Variants in TNRC6C observed in about 807,000 individuals in gnomAD.
The protein encoded by TNRC6C is trinucleotide repeat-containing gene 6C protein.
Under a neutral mutation model 153.7 loss-of-function variants are expected in TNRC6C, and 20 were observed. The ratio of observed to expected loss-of-function variants is 0.13; its 90% CI spans 0.09 to 0.19. TNRC6C has a LOEUF of 0.19. Among genes scored for constraint, TNRC6C ranks in the 10% least tolerant of loss-of-function variants. The pLI is 1.00. For missense variants in TNRC6C, 1,987 were observed against 2,172.0 expected (o/e 0.91, Z 1.69); for synonymous variants, 811 against 841.4 (o/e 0.96, Z 0.63).
intron 1 of TNRC6C, among the ~76,000 whole-genome samples, chr17:77,965,626 C>T (rs1199186033): frequency 6.6e-6 from 1 of 152,186 alleles, no homozygotes; most frequent in Non-Finnish European, 1.5e-5. Context: ...TCAACTTCTT[C>T]CTGCCCTCCT....
intron 1 of TNRC6C, among the ~76,000 whole-genome samples, chr17:77,992,677 C>T (rs1189044351): frequency 1.3e-5 from 2 of 152,206 alleles, no homozygotes; most frequent in African/African-American, 4.8e-5. Flanking sequence ...CCCTGGCACA[C>T]ACATGCTAGC....
intron 1 of TNRC6C, among the ~76,000 whole-genome samples, chr17:77,979,920 A>G (rs1055997020): frequency 1.1e-4 from 17 of 152,240 alleles, no homozygotes; most frequent in African/African-American, 4.1e-4. Context: ...CGATATCTTC[A>G]AAGTGTTGTA....
At chr17:78,069,524 C>T (rs964213399) in intron 5 of TNRC6C, among the ~76,000 whole-genome samples, 3 of 152,174 alleles carry the variant, frequency 2.0e-5, no homozygotes. Context: ...GCTGGGTCTA[C>T]AGGTGCATGC....
rs150431869 is a variant in TNRC6C, at chr17:78,035,112, G to T, written c.-219+3270G>T. Among the ~76,000 whole-genome samples the T allele has an allele frequency of 2.7e-3, 413 of 152,214 alleles. 1 individual carries two copies. Among genetic ancestry groups the T allele is most frequent in the African/African-American group, 8.4e-3 (349 of 41,508 alleles). On this transcript the variant is annotated intron_variant, in intron 2 of 19. Coordinates refer to ENST00000301624, the Ensembl canonical transcript of TNRC6C. ...GGTTTGAACCTCTCATGATCTCTAA[G>T]GTCCTTTCCCTTAAATTTCTGACTC... is the stretch of plus-strand genomic sequence containing the variant.
intron 16 of TNRC6C, among the ~76,000 whole-genome samples, chr17:78,095,296 C>T (rs1475402665): frequency 2.0e-5 from 3 of 152,224 alleles, no homozygotes; most frequent in South Asian, 2.1e-4. Flanking sequence ...TGTCCTCAAG[C>T]TCCACATGCA....
intron 1 of TNRC6C, among the ~76,000 whole-genome samples, chr17:77,959,771 A>C (rs368739460): frequency 1.8e-4 from 28 of 152,270 alleles, no homozygotes; most frequent in East Asian, 3.9e-4. Context: ...GGTGCTGCGG[A>C]CTGCGGAGTA....
At chr17:78,069,722 T>C (rs941966054) in intron 5 of TNRC6C, among the ~76,000 whole-genome samples, 2 of 152,192 alleles carry the variant, frequency 1.3e-5, no homozygotes, top group Non-Finnish European at 2.9e-5. Flanking sequence ...GGAAATTCTA[T>C]CTATGTATTG....
intron 1 of TNRC6C, among the ~76,000 whole-genome samples, chr17:78,031,078 G>A (rs1483878070): frequency 6.6e-6 from 1 of 152,008 alleles, no homozygotes; most frequent in African/African-American, 2.4e-5. Context: ...TCCAGCCTGG[G>A]TGACAGAGTG....
intron 7 of TNRC6C, 150 bp from the exon 10 acceptor site, chr17:78,074,986 G>C: frequency 9.2e-7 from 1 of 1,082,454 alleles, no homozygotes; most frequent in Non-Finnish European, 1.3e-6. Flanking sequence ...CTCAGCCCTA[G>C]CAAAGCAAGG....
At chr17:78,021,311 C>T (rs149392121) in intron 1 of TNRC6C, among the ~76,000 whole-genome samples, 20 of 152,344 alleles carry the variant, frequency 1.3e-4, no homozygotes, top group African/African-American at 3.6e-4. Context: ...AGCACAAAGG[C>T]GTCTCTGAGG....
chr17:78,091,999 A>G (rs2073402899), intron 14 of TNRC6C, among the ~76,000 whole-genome samples: 1 of 152,188 alleles, frequency 6.6e-6, no homozygotes, highest in African/African-American at 2.4e-5. Flanking sequence ...TGTAAATACT[A>G]GGGTGCATTT....
intron 2 of TNRC6C, among the ~76,000 whole-genome samples, chr17:78,038,903 C>T (rs957606093): frequency 1.3e-5 from 2 of 149,944 alleles, no homozygotes; most frequent in African/African-American, 2.5e-5. Context: ...CTGTAATCAC[C>T]GCAGGCGACC....
chr17:77,958,764 C>A (rs2070833712), upstream of TNRC6C, among the ~76,000 whole-genome samples: 2 of 150,186 alleles, frequency 1.3e-5, no homozygotes, highest in East Asian at 1.9e-4. Flanking sequence ...GCCCCGGGAG[C>A]CGTAGCCGCC....
At chr17:77,968,397 G>A (rs1230414825) in intron 1 of TNRC6C, among the ~76,000 whole-genome samples, 4 of 150,946 alleles carry the variant, frequency 2.6e-5, no homozygotes, top group Admixed American at 1.3e-4. Flanking sequence ...ACTAGAGTGC[G>A]GTAGCGTGAT....
rs1195848619 is a variant in TNRC6C, at chr17:78,079,227, T to A, written c.3211-168T>A. ...CCGCGCTACTGCACTCCAGTCTGGG[T>A]GACAGAACAAGACTCTGTCTCAAAA... On this transcript the variant is annotated intron_variant, in intron 9 of 19. Coordinates refer to ENST00000301624, the Ensembl canonical transcript of TNRC6C. The surrounding 1 kb of genome is among the most constrained non-coding windows in gnomAD (Gnocchi z 4.3). 6.6e-5 allele frequency among the ~76,000 whole-genome samples: 10 copies of A among 152,036 alleles called. No individual in the cohort carries two copies. Among genetic ancestry groups the A allele is most frequent in the African/African-American group, 2.4e-4 (10 of 41,388 alleles).
exon 3 of TNRC6C, chr17:78,050,726 G>A: frequency 6.3e-7 from 1 of 1,585,416 alleles, no homozygotes. Context: ...GCCAAGAGTG[G>A]CCATGCTTGG....
chr17:78,048,734 A>T (rs2143968288), intron 2 of TNRC6C, 111 bp from the exon 5 acceptor site: 3 of 1,062,166 alleles, frequency 2.8e-6, no homozygotes, highest in South Asian at 1.0e-4. Flanking sequence ...AGTGTTTGTC[A>T]TTCAGATTTG....
intron 2 of TNRC6C, among the ~76,000 whole-genome samples, chr17:78,044,207 G>A (rs866785259): frequency 1.1e-4 from 16 of 151,884 alleles, no homozygotes; most frequent in African/African-American, 3.4e-4. Context: ...TCTCTGAATA[G>A]ATAACCCAGT....
At chr17:78,092,636 T>C (rs2073413514) in intron 14 of TNRC6C, among the ~76,000 whole-genome samples, 1 of 152,108 alleles carries the variant, frequency 6.6e-6, no homozygotes, top group African/African-American at 2.4e-5. Context: ...TTCCAGCTAC[T>C]TGGGAGGCCA....
Sources: allele counts gnomAD v4.1 joint callset (sites outside exome capture counted in the v4.1 genomes callset), GRCh38; gene constraint gnomAD v4.1.1; non-coding constraint Gnocchi (gnomAD v3.1); transcripts MANE v1.5; gene names NCBI Gene and HGNC (gene_info 2026-07-23, HGNC 2026-07-21).